The following C10orf90 variants were observed in gnomAD, a reference collection of about 807,000 sequenced individuals.
C10orf90 encodes the protein (E2-independent) E3 ubiquitin-conjugating enzyme FATS.
Under a neutral mutation model 62.5 loss-of-function variants are expected in C10orf90, and 56 were observed. The observed-to-expected ratio is 0.90, with a 90% CI of 0.72 to 1.12. The LOEUF is 1.12. Ranked by LOEUF, C10orf90 falls within the 50% of genes most tolerant of loss-of-function variation. The probability of loss-of-function intolerance (pLI) is 0.00; values close to 1 mark genes in which losing one functional copy is unlikely to be tolerated. For synonymous variants in C10orf90, 386 were observed against 340.4 expected, an observed-to-expected ratio of 1.13 and a Z score of -1.47; for missense variants, 970 against 880.4, an observed-to-expected ratio of 1.10 and a Z score of -1.29.
intron 4 of C10orf90, among the ~76,000 whole-genome samples, chr10:126,491,442 CA>C (rs1394764596): frequency 2.0e-5 from 3 of 151,802 alleles, no homozygotes; most frequent in African/African-American, 7.3e-5. Flanking sequence ...ATTATGTCTC[CA>C]AATAGCCAAT....
At chr10:126,502,621 T>G in intron 4 of C10orf90, 1 of 284,384 alleles carries the variant, frequency 3.5e-6, no homozygotes, top group Non-Finnish European at 7.0e-6. Context: ...AAAAGTACTA[T>G]AAATCCAAAT....
chr10:126,578,815 A>G (rs967511914), intron 2 of C10orf90, among the ~76,000 whole-genome samples: 6 of 152,224 alleles, frequency 3.9e-5, no homozygotes, highest in African/African-American at 1.4e-4. Flanking sequence ...TGTTGTGTGA[A>G]AGAGGTCAAA....
chr10:126,434,072 C>T (rs1857755459), intron 7 of C10orf90, among the ~76,000 whole-genome samples: 1 of 152,158 alleles, frequency 6.6e-6, no homozygotes, highest in Admixed American at 6.5e-5. Context: ...GTGTCTATTG[C>T]TAATTTAACT....
chr10:126,570,010 T>C (rs781421092), intron 2 of C10orf90, among the ~76,000 whole-genome samples: 2 of 152,234 alleles, frequency 1.3e-5, no homozygotes, highest in Non-Finnish European at 2.9e-5. Flanking sequence ...TCGTAATCCT[T>C]GTGAACCAGA....
Position 126,429,827 on chromosome 10 carries a change from G to A in C10orf90, c.2212C>T (p.Arg738Trp), listed in dbSNP as rs768761295. Residue 738 changes from arginine (R) to tryptophan (W), a missense_variant, in exon 8 of 10, where the codon CGG (arginine) becomes TGG (tryptophan). Physicochemically the swap from Arg to Trp is moderately radical, Grantham distance 101. Transcript: ENST00000488181. ...TGCATCTCCTTCTCTGAAATGCACCGTTCTTTGGGTTTGAACAAGTTATCT... is the reference window on the plus strand; with the variant it reads ...TGCATCTCCTTCTCTGAAATGCACCATTCTTTGGGTTTGAACAAGTTATCT... Reference protein sequence around the residue: ...LSDNLFKPKERCISEKEMHMR... With the variant: ...LSDNLFKPKEWCISEKEMHMR... 1.5e-5 allele frequency: 24 copies of A among 1,613,816 alleles called. No homozygotes were observed. The highest frequency in any genetic ancestry group is 4.5e-5 in the East Asian group (2 of 44,878).
At chr10:126,662,875 C>A (rs1846546112) in intron 1 of C10orf90, among the ~76,000 whole-genome samples, 1 of 151,170 alleles carries the variant, frequency 6.6e-6, no homozygotes, top group African/African-American at 2.4e-5. Flanking sequence ...TGCCTCCGTG[C>A]ATTCTTGCTG....
chr10:126,545,037 G>A (rs1864459097), intron 2 of C10orf90, among the ~76,000 whole-genome samples: 1 of 152,134 alleles, frequency 6.6e-6, no homozygotes, highest in Non-Finnish European at 1.5e-5. Context: ...AAAAGATGTG[G>A]TGCAATGTTA....
chr10:126,580,603 A>G (rs544459955), intron 2 of C10orf90, among the ~76,000 whole-genome samples: 4 of 150,800 alleles, frequency 2.7e-5, no homozygotes, highest in Non-Finnish European at 5.9e-5. Flanking sequence ...CAGTGAGCCG[A>G]GATTGTGCCA....
intron 5 of C10orf90, 45 bp downstream of exon 5, chr10:126,464,651 G>C: frequency 6.4e-7 from 1 of 1,556,872 alleles, no homozygotes; most frequent in Non-Finnish European, 8.7e-7. Context: ...AATTTTTATC[G>C]AATGTCAAGA....
chr10:126,596,934 T>C (rs766589306), intron 2 of C10orf90, among the ~76,000 whole-genome samples: 1 of 152,058 alleles, frequency 6.6e-6, no homozygotes, highest in Non-Finnish European at 1.5e-5. Flanking sequence ...AAATGACAAA[T>C]AGGCACACAA....
At chr10:126,472,812 G>A (rs112647044) in intron 4 of C10orf90, among the ~76,000 whole-genome samples, 4 of 152,130 alleles carry the variant, frequency 2.6e-5, no homozygotes, top group South Asian at 2.1e-4. Flanking sequence ...GTACGTGCAC[G>A]CAAGCATGCA....
chr10:126,562,569 T>C (rs1176693629), intron 2 of C10orf90, among the ~76,000 whole-genome samples: 1 of 152,194 alleles, frequency 6.6e-6, no homozygotes, highest in Non-Finnish European at 1.5e-5. Flanking sequence ...TTGTCCCACC[T>C]GTCAAACGGG....
intron 7 of C10orf90, among the ~76,000 whole-genome samples, chr10:126,444,008 T>C (rs1858572517): frequency 6.6e-6 from 1 of 152,042 alleles, no homozygotes; most frequent in African/African-American, 2.4e-5. Flanking sequence ...AAAATCAGCA[T>C]ACAAGGGACA....
chr10:126,473,678 C>T (rs1416738384), intron 4 of C10orf90, among the ~76,000 whole-genome samples: 1 of 152,016 alleles, frequency 6.6e-6, no homozygotes, highest in Non-Finnish European at 1.5e-5. Flanking sequence ...TACGCTCTTA[C>T]ATTTTTAAGC....
intron 2 of C10orf90, among the ~76,000 whole-genome samples, chr10:126,639,960 A>T (rs1846027031): frequency 6.6e-6 from 1 of 152,228 alleles, no homozygotes; most frequent in South Asian, 2.1e-4. Context: ...GATGGCACAG[A>T]AGCACAGCGG....
chr10:126,535,609 G>A (rs941524821), intron 2 of C10orf90, among the ~76,000 whole-genome samples: 8 of 151,922 alleles, frequency 5.3e-5, no homozygotes, highest in South Asian at 2.1e-4. Context: ...AAACCTGCAC[G>A]TTGTGCACAT....
intron 2 of C10orf90, among the ~76,000 whole-genome samples, chr10:126,641,802 G>A (rs560902186): frequency 6.6e-5 from 10 of 152,108 alleles, no homozygotes; most frequent in Non-Finnish European, 1.0e-4. Context: ...TTCTCCTTTC[G>A]TGTTCAGATC....
intron 7 of C10orf90, among the ~76,000 whole-genome samples, chr10:126,458,297 C>G (rs932412038): frequency 5.3e-5 from 8 of 152,214 alleles, no homozygotes; most frequent in African/African-American, 1.9e-4. Flanking sequence ...AGAAAGTTCT[C>G]ATTCCTCTAT....
intron 4 of C10orf90, among the ~76,000 whole-genome samples, chr10:126,477,341 T>C (rs990318032): frequency 6.6e-6 from 1 of 151,928 alleles, no homozygotes; most frequent in East Asian, 1.9e-4. Context: ...TTGATTTCTT[T>C]TCATTGGGCT....
Sources: gnomAD v4.1 joint callset for allele counts (sites outside exome capture counted in the v4.1 genomes callset) on GRCh38, gnomAD v4.1.1 for gene constraint, MANE v1.5 for transcripts, NCBI Gene and HGNC (gene_info 2026-07-23, HGNC 2026-07-21) for gene names.